Variants in DNASE2B observed in about 807,000 individuals in gnomAD.
DNASE2B encodes deoxyribonuclease-2-beta.
DNASE2B carries 43 observed loss-of-function variants against 46.0 expected under a neutral mutation model. The observed-to-expected ratio is 0.94, with a 90% confidence interval of 0.73 to 1.21. DNASE2B has a LOEUF of 1.21. Among genes scored for constraint, DNASE2B ranks in the 50% most tolerant of loss-of-function variants. DNASE2B has a pLI of 0.00. For missense variants in DNASE2B, 395 were observed against 414.4 expected (o/e 0.95, Z 0.41); for synonymous variants, 156 against 152.5 (o/e 1.02, Z -0.17).
intron 3 of DNASE2B, among the ~76,000 whole-genome samples, chr1:84,410,553 A>G (rs139899097): frequency 3.3e-5 from 5 of 152,346 alleles, no homozygotes; most frequent in African/African-American, 9.6e-5. Context: ...GCATTCTGCC[A>G]AAACAAATTT....
chr1:84,399,217 T>C (rs879817437), intron 1 of DNASE2B, among the ~76,000 whole-genome samples: 1 of 152,248 alleles, frequency 6.6e-6, no homozygotes, highest in African/African-American at 2.4e-5. Flanking sequence ...TGGCCTGTTG[T>C]ACAGTGTCAA....
intron 1 of DNASE2B, among the ~76,000 whole-genome samples, chr1:84,401,332 T>C (rs1680398981): frequency 6.6e-6 from 1 of 152,186 alleles, no homozygotes; most frequent in Admixed American, 6.5e-5. Context: ...GCCTTAATGC[T>C]GTCTTGGCTG....
rs974065432 is a variant in DNASE2B at position 84,412,473 on chromosome 1, G to T, written c.672G>T (p.Arg224Ser). 4.3e-6 allele frequency: 7 copies of T among 1,613,778 alleles called. No homozygotes were observed. Among genetic ancestry groups the T allele is most frequent in the Non-Finnish European group, 5.9e-6 (7 of 1,179,900 alleles). The change falls in exon 5 of 6, where the codon AGG becomes AGT. Residue 224 changes from arginine to serine, a missense_variant. Coordinates refer to ENST00000370665, the MANE Select transcript of DNASE2B (RefSeq NM_021233.3). ...TRASSSEIPGRLLTTLQSAQG... is the reference protein window; with the variant it reads ...TRASSSEIPGSLLTTLQSAQG... ...CCAGCTCATCAGAGATTCCTGGCAG[G>T]CTCCTCACCACACTTCAGTCGGCCC...
At chr1:84,408,383 G>A in intron 2 of DNASE2B, 54 bp from the exon 3 acceptor site, 3 of 1,548,450 alleles carry the variant, frequency 1.9e-6, no homozygotes, top group East Asian at 2.4e-5. Context: ...GAAATGTTGT[G>A]GGCGTTTGTA....
intron 5 of DNASE2B, 31 bp downstream of exon 5, chr1:84,412,577 G>C (rs1281770755): frequency 6.5e-7 from 1 of 1,544,520 alleles, no homozygotes; most frequent in Non-Finnish European, 8.8e-7. Context: ...ACAACATGCT[G>C]TATAATTCTG....
Position 84,398,499 on chromosome 1 carries a change from T to G in DNASE2B, c.-66T>G. 6.3e-7 allele frequency: 1 copy of G among 1,595,766 alleles called. No homozygotes were observed. Among genetic ancestry groups the G allele is most frequent in the Non-Finnish European group, 8.6e-7 (1 of 1,169,400 alleles). On this transcript the variant is annotated 5_prime_UTR_variant, in exon 1 of 6. Coordinates refer to ENST00000370665, the MANE Select transcript of DNASE2B (RefSeq NM_021233.3). The stretch of plus-strand genomic sequence containing the variant: ...ATCAAACGTCAGAGCCAGCACAGCC[T>G]GAGAGCGCCTTGAAACTCAGACTCC...
At chr1:84,412,262 T>A in intron 4 of DNASE2B, 87 bp from the exon 5 acceptor site, 1 of 1,217,192 alleles carries the variant, frequency 8.2e-7, no homozygotes, top group Non-Finnish European at 1.1e-6. Flanking sequence ...TGTTTTGTTT[T>A]TAAATCCACA....
intron 2 of DNASE2B, among the ~76,000 whole-genome samples, chr1:84,404,816 C>T (rs560439339): frequency 2.6e-5 from 4 of 152,272 alleles, no homozygotes; most frequent in African/African-American, 9.6e-5. Flanking sequence ...GTATCTTTTC[C>T]CTTCAAGGCT....
At chr1:84,398,759 G>A (rs917797228) in intron 1 of DNASE2B, 70 bp downstream of exon 1, 4 of 1,574,262 alleles carry the variant, frequency 2.5e-6, no homozygotes, top group East Asian at 2.3e-5. Flanking sequence ...GGCTCACTGC[G>A]AAGTTCCTAA....
intron 4 of DNASE2B, 55 bp from the exon 5 acceptor site, chr1:84,412,294 G>A: frequency 7.3e-7 from 1 of 1,373,188 alleles, no homozygotes; most frequent in Non-Finnish European, 9.7e-7. Flanking sequence ...AATAACAGCA[G>A]GTATTTCCAT....
At chr1:84,408,870 G>T (rs1423142744) in intron 3 of DNASE2B, among the ~76,000 whole-genome samples, 1 of 151,604 alleles carries the variant, frequency 6.6e-6, no homozygotes, top group African/African-American at 2.4e-5. Context: ...ATATGTGCAT[G>T]TAGTATATAT....
intron 2 of DNASE2B, among the ~76,000 whole-genome samples, chr1:84,404,284 A>G (rs1050278423): frequency 1.3e-5 from 2 of 152,100 alleles, no homozygotes; most frequent in Non-Finnish European, 2.9e-5. Context: ...CTTGAAATCC[A>G]TCACCCCCAA....
At chr1:84,412,609 G>A in intron 5 of DNASE2B, 63 bp downstream of exon 5, 1 of 1,342,376 alleles carries the variant, frequency 7.4e-7, no homozygotes, top group Non-Finnish European at 9.9e-7. Context: ...ACTAGGGATA[G>A]CTTAGAGAAA....
chr1:84,410,743 G>A (rs997024531), intron 3 of DNASE2B, 95 bp from the exon 4 acceptor site: 34 of 1,210,384 alleles, frequency 2.8e-5, no homozygotes, highest in Middle Eastern at 3.9e-4. Flanking sequence ...ACACTAGTCT[G>A]AAGCATAAAT....
chr1:84,405,137 C>T (rs985860150), intron 2 of DNASE2B, among the ~76,000 whole-genome samples: 1 of 151,778 alleles, frequency 6.6e-6, no homozygotes, highest in Non-Finnish European at 1.5e-5. Flanking sequence ...TTAGGCCAAA[C>T]CTCTTTCTAA....
In DNASE2B at chr1:84,410,903, A is replaced by G. The variant is rs766678712; in HGVS notation, c.451A>G (p.Ile151Val). 1.9e-6 allele frequency: 3 copies of G among 1,613,340 alleles called. No homozygotes were observed. Among genetic ancestry groups the G allele is most frequent in the African/African-American group, 1.3e-5 (1 of 74,922 alleles). Residue 151 changes from isoleucine (I) to valine (V), a missense_variant, in exon 4 of 6, where the codon ATT (isoleucine) becomes GTT (valine). Physicochemically the swap from Ile to Val is conservative, Grantham distance 29. Transcript: ENST00000370665. ...TCATTCCATCCCTCAGTTTCCTCCAATTCCGGAAGAAGGCTATGATTATCC... is the reference window on the plus strand; with the variant it reads ...TCATTCCATCCCTCAGTTTCCTCCAGTTCCGGAAGAAGGCTATGATTATCC... ...LIHSIPQFPP[I>V]PEEGYDYPPT...
intron 5 of DNASE2B, among the ~76,000 whole-genome samples, 193 bp downstream of exon 5, chr1:84,412,739 C>T (rs1680623552): frequency 6.6e-6 from 1 of 151,914 alleles, no homozygotes; most frequent in Non-Finnish European, 1.5e-5. Flanking sequence ...AAGTATCTCA[C>T]AACCATCCAG....
rs1468200034 is a variant in DNASE2B at position 84,414,513 on chromosome 1, C to T, written c.746-15C>T. 1 of 1,577,992 alleles carries T rather than the reference C, an allele frequency of 6.3e-7. No individual in the cohort carries two copies. The highest frequency in any genetic ancestry group is 2.2e-5 in the East Asian group (1 of 44,608). Reference sequence around the variant, plus strand: ...TAAATACCAACCTCACTATCTTTCTCCTCCTAAACCCTAGACATCTTTGCA... The same window carrying T: ...TAAATACCAACCTCACTATCTTTCTTCTCCTAAACCCTAGACATCTTTGCA... On this transcript the variant is annotated splice_polypyrimidine_tract_variant and intron_variant, in intron 5 of 5. Transcript: ENST00000370665.
intron 5 of DNASE2B, among the ~76,000 whole-genome samples, chr1:84,413,756 T>C (rs953632922): frequency 6.6e-6 from 1 of 152,232 alleles, no homozygotes; most frequent in African/African-American, 2.4e-5. Context: ...AGTGAGACAT[T>C]TCTACTTGAA....
Sources: gnomAD v4.1 joint callset for allele counts (sites outside exome capture counted in the v4.1 genomes callset) on GRCh38, gnomAD v4.1.1 for gene constraint, MANE v1.5 for transcripts, NCBI Gene and HGNC (gene_info 2026-07-23, HGNC 2026-07-21) for gene names.